The following PNN variants were observed in gnomAD, a reference collection of about 807,000 sequenced individuals.
PNN encodes pinin, desmosome associated protein, also known as pinin.
PNN carries 38 observed loss-of-function variants against 76.6 expected under a neutral mutation model. The ratio of observed to expected loss-of-function variants is 0.50; its 90% confidence interval spans 0.38 to 0.65. The LOEUF is 0.65. Ranked by LOEUF, PNN falls within the 30% of genes least tolerant of loss-of-function variation. The pLI is 0.00. For synonymous variants in PNN, 366 were observed against 283.7 expected (o/e 1.29, Z -2.91); for missense variants, 873 against 874.1 (o/e 1.00, Z 0.02).
At chr14:39,178,546 T>C (rs1325618209) in intron 6 of PNN, among the ~76,000 whole-genome samples, 1 of 151,528 alleles carries the variant, frequency 6.6e-6, no homozygotes, top group Non-Finnish European at 1.5e-5. Flanking sequence ...AAAGAAAAAA[T>C]GTGAAGCATA....
At position 39,178,498 on chromosome 14, in the gene PNN, C is replaced by T. The variant is rs559066247; in HGVS notation, c.498+582C>T. Among the ~76,000 whole-genome samples the T allele has an allele frequency of 7.9e-5, 12 of 152,092 alleles. No homozygotes were observed. The South Asian group carries it at 8.3e-4, about 11-fold the overall frequency. Reference sequence around the variant, plus strand: ...ATGAGCCAAGATCACACTATTGTACCCCAGCCTGGGCAACAGGCGCAAAAC... The same window carrying T: ...ATGAGCCAAGATCACACTATTGTACTCCAGCCTGGGCAACAGGCGCAAAAC... On this transcript the variant is annotated intron_variant, in intron 6 of 8. Coordinates refer to ENST00000216832, the MANE Select transcript of PNN (RefSeq NM_002687.4).
chr14:39,181,933 C>T lies in PNN; in HGVS notation c.*70C>T, dbSNP rs1194805775. 6.9e-7 allele frequency: 1 copy of T among 1,445,226 alleles called. No individual in the cohort carries two copies. The highest frequency in any genetic ancestry group is 2.3e-5 in the East Asian group (1 of 43,562). 89.5% of individuals were successfully genotyped at this position (1,445,226 alleles called of 1,614,324 possible). On this transcript the variant is annotated 3_prime_UTR_variant, in exon 9 of 9. Transcript: ENST00000216832. Reference sequence around the variant, plus strand: ...TTCTTGATAAAAAAGGATTACCTTTCCTTGTAAAGAGGATGCTGCCTTAAG... The same window carrying T: ...TTCTTGATAAAAAAGGATTACCTTTTCTTGTAAAGAGGATGCTGCCTTAAG...
At chr14:39,176,722 C>CA in intron 3 of PNN, 127 bp downstream of exon 3, 1 of 659,494 alleles carries the variant, frequency 1.5e-6, no homozygotes, top group Non-Finnish European at 2.6e-6. Flanking sequence ...TCCCTGCCCC[C>CA]CCCAAGTTCT....
intron 3 of PNN, 34 bp from the exon 4 acceptor site, chr14:39,177,378 C>T (rs564990891): frequency 1.9e-6 from 3 of 1,581,540 alleles, no homozygotes; most frequent in Non-Finnish European, 2.6e-6. Context: ...ATAGTGAAAC[C>T]CTGTCTCAAA....
intron 1 of PNN, 152 bp from the exon 2 acceptor site, chr14:39,175,926 C>A: frequency 3.3e-6 from 2 of 606,552 alleles, no homozygotes; most frequent in South Asian, 4.0e-5. Flanking sequence ...AATAGTACTT[C>A]CTGTCCTGTT....
rs968586147 is a variant in PNN at position 39,180,903 on chromosome 14, T to C, written c.1194T>C (p.His398=). The C allele has an allele frequency of 8.1e-6, 13 of 1,613,968 alleles. No homozygotes were observed. Among genetic ancestry groups the C allele is most frequent in the African/African-American group, 1.3e-5 (1 of 74,888 alleles). ...DVLEMVENVK[H]VIADQEVMET... ...TAGAGATGGTTGAGAATGTCAAACA[T>C]GTAATTGCTGACCAGGAGGTAATGG... Residue 398 remains histidine (H), a synonymous_variant, in exon 9 of 9, where the codon CAT becomes CAC. Transcript: ENST00000216832.
Position 39,177,462 on chromosome 14 carries a change from C to T in PNN, c.305C>T (p.Pro102Leu), listed in dbSNP as rs200533040. 96 of 1,613,772 alleles carry T rather than the reference C, an allele frequency of 5.9e-5. No homozygotes were observed. Among genetic ancestry groups the T allele is most frequent in the East Asian group, 2.2e-5 (1 of 44,876 alleles). Residue 102 changes from proline to leucine, a missense_variant, in exon 4 of 9, where the codon CCG becomes CTG. Pro to Leu is a moderately conservative substitution (Grantham distance 98). Coordinates refer to ENST00000216832, the MANE Select transcript of PNN (RefSeq NM_002687.4). ...TRRESRQESD[P>L]EDDDVKKPAL... Reference sequence around the variant, plus strand: ...AGAGAATCACGCCAGGAAAGCGACCCGGAGGATGATGATGTTAAAAAGGTA... The same window carrying T: ...AGAGAATCACGCCAGGAAAGCGACCTGGAGGATGATGATGTTAAAAAGGTA...
intron 3 of PNN, 48 bp downstream of exon 3, chr14:39,176,643 C>A: frequency 9.3e-7 from 1 of 1,074,894 alleles, no homozygotes. Flanking sequence ...TTCTGAGGTA[C>A]CACACAAATA....
Position 39,177,403 on chromosome 14 carries a change from C to G in PNN, c.255-9C>G, listed in dbSNP as rs369797496. Reference sequence around the variant, plus strand: ...CCTGTCTCAAAAAAATTAATATTTTCTATGACAGGCTGGGCGGGGAGCGTC... The same window carrying G: ...CCTGTCTCAAAAAAATTAATATTTTGTATGACAGGCTGGGCGGGGAGCGTC... On this transcript the variant is annotated splice_polypyrimidine_tract_variant and intron_variant, in intron 3 of 8. Transcript: ENST00000216832. 1.2e-6 allele frequency: 2 copies of G among 1,611,682 alleles called. No homozygotes were observed. The highest frequency in any genetic ancestry group is 1.3e-5 in the African/African-American group (1 of 74,964).
Position 39,179,077 on chromosome 14 carries a change from T to C in PNN, c.499-14T>C. On this transcript the variant is annotated splice_polypyrimidine_tract_variant and intron_variant, in intron 6 of 8. Coordinates refer to ENST00000216832, the MANE Select transcript of PNN (RefSeq NM_002687.4). ...TCAACACGTAAGTATTAAAGCAGGC[T>C]ACTTAACTTTTAGCAAAAGCGGCGC... 1 of 1,607,102 alleles carries C rather than the reference T, an allele frequency of 6.2e-7. No individual in the cohort carries two copies. Among genetic ancestry groups the C allele is most frequent in the Non-Finnish European group, 8.5e-7 (1 of 1,178,036 alleles).
chr14:39,181,716 T>G lies in PNN; in HGVS notation c.2007T>G (p.Gly669=), dbSNP rs761504118. Residue 669 remains glycine (G), a synonymous_variant, in exon 9 of 9, where the codon GGT becomes GGG. Transcript: ENST00000216832. Reference sequence around the variant, plus strand: ...AAAGAAGTCACAAATCTTCAAAAGGTGGTAGTAGTAGAGATACAAAAGGAT... The same window carrying G: ...AAAGAAGTCACAAATCTTCAAAAGGGGGTAGTAGTAGAGATACAAAAGGAT... ...GLERSHKSSK[G]GSSRDTKGSK... 7 of 1,613,820 alleles carry G rather than the reference T, an allele frequency of 4.3e-6. No individual in the cohort carries two copies. Among genetic ancestry groups the G allele is most frequent in the Non-Finnish European group, 5.9e-6 (7 of 1,179,936 alleles).
In PNN at chr14:39,175,326, AAG is replaced by A; in HGVS notation, c.52_53del (p.Leu19Ter). On this transcript the variant is annotated frameshift_variant, in exon 1 of 9. Coordinates refer to ENST00000216832, the MANE Select transcript of PNN (RefSeq NM_002687.4). LOFTEE classifies it high-confidence loss of function. ...TTGCAGGAACAGCTGGAAAAGGCCA[AAG>A]AGAGTCTTAAGAACGTGGATGAGAA... 6.2e-7 allele frequency: 1 copy of A among 1,612,048 alleles called. No homozygotes were observed. Among genetic ancestry groups the A allele is most frequent in the Middle Eastern group, 1.7e-4 (1 of 5,794 alleles).
At chr14:39,180,311 A>G (rs750566320) in intron 8 of PNN, among the ~76,000 whole-genome samples, 192 bp from the exon 9 acceptor site, 2 of 152,236 alleles carry the variant, frequency 1.3e-5, no homozygotes, top group Non-Finnish European at 2.9e-5. Context: ...TCTAGTATGT[A>G]GATTTCCCAT....
rs1199693419 is a variant in PNN, at chr14:39,182,823, A to G, written c.*960A>G. 2 of 152,702 alleles carry G rather than the reference A, an allele frequency of 1.3e-5. No individual in the cohort carries two copies. Among genetic ancestry groups the G allele is most frequent in the African/African-American group, 4.8e-5 (2 of 41,472 alleles). 9.5% of individuals were successfully genotyped at this position (152,702 alleles called of 1,614,324 possible). ...TCATCTAGGTTTTAATATGTAAGCA[A>G]GATAACACACAAGTGTACCAAGTGA... On this transcript the variant is annotated 3_prime_UTR_variant, in exon 9 of 9. Transcript: ENST00000216832.
At chr14:39,176,985 T>C (rs1013286580) in intron 3 of PNN, among the ~76,000 whole-genome samples, 2 of 152,168 alleles carry the variant, frequency 1.3e-5, no homozygotes, top group Non-Finnish European at 2.9e-5. Flanking sequence ...GAGGAAAGAA[T>C]AAAATGGGAT....
Position 39,180,628 on chromosome 14 carries a change from CAAG to C in PNN, c.924_926del (p.Glu309del), listed in dbSNP as rs758872061. The C allele has an allele frequency of 5.0e-6, 8 of 1,613,632 alleles. No individual in the cohort carries two copies. In the South Asian group the frequency reaches 8.8e-5, roughly 18 times the overall value. ...GCGTAATGAAGAACAGAAGGCGGAA[CAAG>C]AAGAGGGTAAGGTGGCTCAGCGAGA... On this transcript the variant is annotated inframe_deletion, in exon 9 of 9. Coordinates refer to ENST00000216832, the MANE Select transcript of PNN (RefSeq NM_002687.4).
At chr14:39,179,522 G>C in intron 8 of PNN, 60 bp downstream of exon 8, 1 of 1,342,376 alleles carries the variant, frequency 7.4e-7, no homozygotes, top group Non-Finnish European at 1.0e-6. Flanking sequence ...ATGTTCATAT[G>C]CACACGTTTG....
rs770365712 is a variant in PNN at position 39,181,630 on chromosome 14, AATAGAG to A, written c.1927_1932del (p.Asp643_Arg644del). ...AAGTCGGAGTAGGGGCCGGGGACAT[AATAGAG>A]ATAGAAAGCACAGAAGGAGCGTGGA... On this transcript the variant is annotated inframe_deletion, in exon 9 of 9. Coordinates refer to ENST00000216832, the MANE Select transcript of PNN (RefSeq NM_002687.4). 3.2e-5 allele frequency: 51 copies of A among 1,614,040 alleles called. No homozygotes were observed. The highest frequency in any genetic ancestry group is 6.7e-5 in the African/African-American group (5 of 74,920).
chr14:39,176,242 C>T (rs1375786801), intron 2 of PNN, 93 bp downstream of exon 2: 7 of 766,938 alleles, frequency 9.1e-6, no homozygotes, highest in Admixed American at 2.2e-5. Flanking sequence ...AATCAATAAC[C>T]CAGTGTTTGT....
Sources: allele counts gnomAD v4.1 joint callset (sites outside exome capture counted in the v4.1 genomes callset), GRCh38; gene constraint gnomAD v4.1.1; transcripts MANE v1.5; gene names NCBI Gene and HGNC (gene_info 2026-07-23, HGNC 2026-07-21).